Variants in BDP1 observed in about 807,000 individuals in gnomAD.
The protein encoded by BDP1 is BDP1 general transcription factor IIIB subunit, also known as transcription factor TFIIIB component B'' homolog.
A neutral mutation model predicts 266.6 loss-of-function variants in BDP1; 169 were observed. The ratio of observed to expected loss-of-function variants is 0.63; its 90% CI spans 0.56 to 0.72. The LOEUF is 0.72. Ranked by LOEUF, BDP1 falls within the 30% of genes least tolerant of loss-of-function variation. The pLI is 0.00. For synonymous variants in BDP1, 1,090 were observed against 1,022.4 expected (o/e 1.07, Z -1.26); for missense variants, 3,015 against 3,053.8 (o/e 0.99, Z 0.30).
chr5:71,511,586 G>T (rs1370732941), intron 17 of BDP1, among the ~76,000 whole-genome samples: 1 of 152,212 alleles, frequency 6.6e-6, no homozygotes, highest in Non-Finnish European at 1.5e-5. Flanking sequence ...GGTTGAGGCT[G>T]CAGTGAGCTG....
Position 71,500,288 on chromosome 5 carries a change from T to C in BDP1, c.1957-1274T>C, listed in dbSNP as rs116670195. ...ACTTGTAATTTTTTTCTTTACCTTT[T>C]TTTCTTTGAAGTGTTGTAATCTTGT... On this transcript the variant is annotated intron_variant, in intron 13 of 38. Coordinates refer to ENST00000358731, the MANE Select transcript of BDP1 (RefSeq NM_018429.3). Among the ~76,000 whole-genome samples the C allele has an allele frequency of 9.1e-3, 1,376 of 151,314 alleles. 26 individuals carry two copies. The highest frequency in any genetic ancestry group is 0.031 in the African/African-American group (1,296 of 41,288).
intron 30 of BDP1, among the ~76,000 whole-genome samples, chr5:71,543,148 G>C (rs992266159): frequency 6.6e-6 from 1 of 152,216 alleles, no homozygotes; most frequent in South Asian, 2.1e-4. Flanking sequence ...AGGCATGGTG[G>C]TGCATGTCTG....
chr5:71,510,242 A>G lies in BDP1; in HGVS notation c.3150A>G (p.Gly1050=), dbSNP rs1364284304. Residue 1050 remains glycine, a synonymous_variant, in exon 17 of 39, where the codon GGA becomes GGG. Transcript: ENST00000358731. ...TEREVSPQEN[G]LEEVKPLGEM... ...GAGAAGTATCCCCACAGGAAAATGG[A>G]CTAGAGGAGGTCAAGCCTCTAGGTG... The G allele has an allele frequency of 1.2e-6, 2 of 1,612,016 alleles. No homozygotes were observed. Among genetic ancestry groups the G allele is most frequent in the Non-Finnish European group, 1.7e-6 (2 of 1,179,564 alleles).
chr5:71,522,608 G>T, intron 23 of BDP1, 118 bp downstream of exon 23: 2 of 1,166,940 alleles, frequency 1.7e-6, no homozygotes, highest in East Asian at 2.4e-5. Context: ...CCATTTTCAT[G>T]AAAAGTGACT....
intron 25 of BDP1, among the ~76,000 whole-genome samples, chr5:71,526,120 TCACGC>T (rs1473702531): frequency 2.0e-5 from 3 of 152,114 alleles, no homozygotes; most frequent in Admixed American, 2.0e-4. Flanking sequence ...CGAGCCGAGA[TCACGC>T]CACTGCACTC....
chr5:71,534,009 A>G (rs1766429939), intron 26 of BDP1, among the ~76,000 whole-genome samples: 1 of 152,208 alleles, frequency 6.6e-6, no homozygotes, highest in Admixed American at 6.5e-5. Flanking sequence ...CTTAGCAGGT[A>G]TATGATTTGC....
At position 71,458,850 on chromosome 5, in the gene BDP1, G is replaced by C. The variant is rs749724451; in HGVS notation, c.484G>C (p.Glu162Gln). ...AATGTTAAAAGAAGAATTGAGAAAA[G>C]AGAAGGTAAGGGAGGAGAATCAGGA... Reference protein sequence around the residue: ...REMLKEELRKEKKQWKNKYAI... With the variant: ...REMLKEELRKQKKQWKNKYAI... Residue 162 changes from glutamate (E) to glutamine (Q), a missense_variant, in exon 2 of 39, where the codon GAG (glutamate) becomes CAG (glutamine). Glu to Gln is a conservative substitution (Grantham distance 29). Transcript: ENST00000358731. The C allele has an allele frequency of 1.2e-6, 2 of 1,609,672 alleles. No individual in the cohort carries two copies. Among genetic ancestry groups the C allele is most frequent in the Non-Finnish European group, 1.7e-6 (2 of 1,179,040 alleles).
chr5:71,518,173 G>A (rs1561741446), intron 22 of BDP1, among the ~76,000 whole-genome samples: 1 of 152,066 alleles, frequency 6.6e-6, no homozygotes, highest in African/African-American at 2.4e-5. Context: ...TTTCCTTTCT[G>A]TATATAGTTC....
At position 71,461,841 on chromosome 5, in the gene BDP1, A is replaced by G. The variant is rs1182344291; in HGVS notation, c.514A>G (p.Ile172Val). The stretch of plus-strand genomic sequence containing the variant: ...GAAACAATGGAAAAACAAATATGCT[A>G]TAAATGAAAGTCAGAGGCCACCAGA... ...EKKQWKNKYAINESQRPPDRS... is the reference protein window; with the variant it reads ...EKKQWKNKYAVNESQRPPDRS... The change falls in exon 3 of 39, where the codon ATA becomes GTA. Residue 172 changes from isoleucine to valine, a missense_variant. By Grantham distance (29) the Ile-to-Val change is conservative. This residue lies in a region of BDP1 where 2,383 missense variants were observed against 2,404.9 expected (regional missense o/e 0.99). Transcript: ENST00000358731. 1.9e-6 allele frequency: 3 copies of G among 1,604,046 alleles called. No individual in the cohort carries two copies. The highest frequency in any genetic ancestry group is 4.5e-5 in the East Asian group (2 of 44,810).
chr5:71,506,758 T>TATATATATATATATATATATA, intron 16 of BDP1, among the ~76,000 whole-genome samples: 1 of 135,862 alleles, frequency 7.4e-6, no homozygotes, highest in African/African-American at 2.8e-5. Flanking sequence ...GTTTGGAGGT[T>TATATATATATATATATATATA]TATATATATA....
In BDP1 at chr5:71,559,940, A is replaced by C. The variant is rs576040222; in HGVS notation, c.7241-42A>C. ...ATGCTGGGATTACATGGAGTGTATT[A>C]ACTTCAGTATCCTTGCTTTCCATTT... On this transcript the variant is annotated intron_variant, in intron 36 of 38. Transcript: ENST00000358731. 3.0e-5 allele frequency: 48 copies of C among 1,599,962 alleles called. No homozygotes were observed. The South Asian group carries it at 4.5e-4, about 15-fold the overall frequency.
intron 9 of BDP1, 38 bp downstream of exon 9, chr5:71,486,665 T>C: frequency 6.8e-7 from 1 of 1,460,568 alleles, no homozygotes; most frequent in Non-Finnish European, 9.0e-7. Flanking sequence ...GTTTACTTAG[T>C]AGTAATAAAC....
In BDP1 at chr5:71,511,993, C is replaced by CT. The variant is rs890010162; in HGVS notation, c.4060-236dup. Among the ~76,000 whole-genome samples the CT allele has an allele frequency of 3.8e-3, 551 of 144,196 alleles. 2 individuals are homozygous for CT. The highest frequency in any genetic ancestry group is 0.011 in the African/African-American group (437 of 39,622). 94.6% of individuals were successfully genotyped at this position (144,196 alleles called of 152,430 possible). On this transcript the variant is annotated intron_variant, in intron 17 of 38. Coordinates refer to ENST00000358731, the MANE Select transcript of BDP1 (RefSeq NM_018429.3). ...CATGATCTTCTAACATTTTCAAGGA[C>CT]TTTTTTTTTTTTCTAACTTTTAAAA... is the stretch of plus-strand genomic sequence containing the variant.
chr5:71,557,039 A>G (rs888501254), intron 36 of BDP1, 114 bp downstream of exon 36: 12 of 524,768 alleles, frequency 2.3e-5, no homozygotes, highest in African/African-American at 2.2e-4. Context: ...TCCAAGAGTA[A>G]TACTTGTATT....
chr5:71,577,372 C>A, the BDP1 span, among the ~76,000 whole-genome samples: 1 of 152,166 alleles, frequency 6.6e-6, no homozygotes, highest in Non-Finnish European at 1.5e-5. Flanking sequence ...ATGTGGAGAA[C>A]TGGACACGCA....
intron 26 of BDP1, among the ~76,000 whole-genome samples, chr5:71,536,204 A>G (rs76186252): frequency 0.017 from 2,625 of 152,242 alleles, 73 homozygotes; most frequent in African/African-American, 0.059. Flanking sequence ...GGATCAGTAC[A>G]CAATTCTTCA....
chr5:71,569,338 G>C (rs143330172), downstream of BDP1, among the ~76,000 whole-genome samples: 7 of 152,302 alleles, frequency 4.6e-5, no homozygotes, highest in Admixed American at 2.0e-4. Context: ...TGTGGTCCCA[G>C]CTACTTGAGA....
At position 71,516,061 on chromosome 5, in the gene BDP1, G is replaced by A. The variant is rs747559497; in HGVS notation, c.4650G>A (p.Gly1550=). ...VQKNDSVVSV[G]TNNVNTFQQE... Reference sequence around the variant, plus strand: ...CCTTTCTCCCTGTCCCCTTGTTTAGGACTAATAATGTAAACACTTTCCAGC... The same window carrying A: ...CCTTTCTCCCTGTCCCCTTGTTTAGAACTAATAATGTAAACACTTTCCAGC... The change falls in exon 21 of 39, where the codon GGG becomes GGA. Residue 1550 remains glycine, a splice_region_variant and synonymous_variant. Coordinates refer to ENST00000358731, the MANE Select transcript of BDP1 (RefSeq NM_018429.3). 12 of 1,598,856 alleles carry A rather than the reference G, an allele frequency of 7.5e-6. No homozygotes were observed. Among genetic ancestry groups the A allele is most frequent in the Non-Finnish European group, 9.4e-6 (11 of 1,171,874 alleles).
At chr5:71,474,513 G>A (rs1040390660) in intron 7 of BDP1, among the ~76,000 whole-genome samples, 2 of 151,528 alleles carry the variant, frequency 1.3e-5, no homozygotes, top group African/African-American at 4.9e-5. Flanking sequence ...GTATTTTTTT[G>A]TACAGATGAG....
Sources: gnomAD v4.1 joint callset for allele counts (sites outside exome capture counted in the v4.1 genomes callset) on GRCh38, gnomAD v4.1.1 for gene constraint, gnomAD v4.1.1 regional missense constraint, MANE v1.5 for transcripts, NCBI Gene and HGNC (gene_info 2026-07-23, HGNC 2026-07-21) for gene names.